RMDN2: variants seen among roughly 807,000 people sequenced by gnomAD.
RMDN2 encodes regulator of microtubule dynamics 2.
A neutral mutation model predicts 52.8 loss-of-function variants in RMDN2; 61 were observed. The ratio of observed to expected loss-of-function variants is 1.16; its 90% confidence interval spans 0.94 to 1.43. RMDN2 has a LOEUF of 1.43. RMDN2 is among the 40% of genes most tolerant of loss of function. The pLI, the probability that RMDN2 is intolerant of heterozygous loss-of-function variation, is 0.00. For missense variants in RMDN2, 592 were observed against 475.3 expected (o/e 1.25, Z -2.28); for synonymous variants, 180 against 153.1 (o/e 1.18, Z -1.30).
At position 37,959,780 on chromosome 2, in the gene RMDN2, G is replaced by A. The variant is rs532799871; in HGVS notation, c.453-14260G>A. On this transcript the variant is annotated intron_variant, in intron 2 of 10. Coordinates refer to ENST00000354545, the MANE Select transcript of RMDN2 (RefSeq NM_001170791.3). The stretch of plus-strand genomic sequence containing the variant: ...TAGATCTTTTCTGCTTTCTCCTGTA[G>A]GCATTTAGTGCTATAAATTTCCCTC... Among the ~76,000 whole-genome samples, 117 of 150,890 alleles carry A rather than the reference G, an allele frequency of 7.8e-4. 4 individuals carry two copies. Among genetic ancestry groups the A allele is most frequent in the African/African-American group, 2.8e-3 (112 of 40,244 alleles).
chr2:37,978,747 C>T (rs1455466933), intron 4 of RMDN2, among the ~76,000 whole-genome samples: 4 of 151,376 alleles, frequency 2.6e-5, no homozygotes, highest in African/African-American at 9.7e-5. Flanking sequence ...CACTGCACTG[C>T]AGAGTGGGTA....
At chr2:37,951,286 G>T in intron 2 of RMDN2, 1 of 1,611,634 alleles carries the variant, frequency 6.2e-7, no homozygotes. Context: ...GATCAAGTTA[G>T]TACAGACGCC....
At chr2:37,942,910 T>C (rs552630921) in intron 2 of RMDN2, among the ~76,000 whole-genome samples, 1 of 152,338 alleles carries the variant, frequency 6.6e-6, no homozygotes, top group Non-Finnish European at 1.5e-5. Context: ...TTTTGGCCTT[T>C]TAGGATTCTA....
chr2:37,965,613 C>G (rs1670936550), intron 2 of RMDN2, among the ~76,000 whole-genome samples: 1 of 152,010 alleles, frequency 6.6e-6, no homozygotes, highest in Admixed American at 6.6e-5. Context: ...TTTTACTTTT[C>G]TCTTTAGATG....
In RMDN2 at chr2:37,994,902, C is replaced by T. The variant is rs79964502; in HGVS notation, c.946-2514C>T. Among the ~76,000 whole-genome samples, 454 of 152,234 alleles carry T rather than the reference C, an allele frequency of 3.0e-3. 1 individual carries two copies. Among genetic ancestry groups the T allele is most frequent in the African/African-American group, 0.01 (423 of 41,546 alleles). ...TTCAAAGCATTATGCCGAGAAAGCTCACAGAAGACTACCTAATTGCATTGA... is the reference window on the plus strand; with the variant it reads ...TTCAAAGCATTATGCCGAGAAAGCTTACAGAAGACTACCTAATTGCATTGA... On this transcript the variant is annotated intron_variant, in intron 7 of 10. Transcript: ENST00000354545.
intron 2 of RMDN2, among the ~76,000 whole-genome samples, chr2:37,957,276 G>A (rs1040197281): frequency 3.9e-5 from 6 of 152,200 alleles, no homozygotes; most frequent in African/African-American, 1.4e-4. Flanking sequence ...CCCACCAACA[G>A]TGTGAAAGCT....
chr2:37,921,374 T>G (rs930652149), upstream of RMDN2, among the ~76,000 whole-genome samples: 1 of 152,240 alleles, frequency 6.6e-6, no homozygotes, highest in African/African-American at 2.4e-5. Context: ...GACTGCCTAA[T>G]TTTTTTAAAA....
At chr2:37,960,195 C>G (rs1337014941) in intron 2 of RMDN2, among the ~76,000 whole-genome samples, 2 of 152,074 alleles carry the variant, frequency 1.3e-5, no homozygotes, top group Non-Finnish European at 2.9e-5. Flanking sequence ...CCTGAATATC[C>G]TTGTTAATTT....
At chr2:37,950,239 G>T in intron 2 of RMDN2, 1 of 423,142 alleles carries the variant, frequency 2.4e-6, no homozygotes, top group Non-Finnish European at 4.4e-6. Context: ...CCAAGGTAAA[G>T]GATTGTACAG....
intron 2 of RMDN2, among the ~76,000 whole-genome samples, chr2:37,940,926 T>C (rs946916428): frequency 3.3e-5 from 5 of 152,330 alleles, no homozygotes; most frequent in Admixed American, 6.5e-5. Flanking sequence ...TCCAGTTTTG[T>C]TCCCTTGCTG....
intron 2 of RMDN2, among the ~76,000 whole-genome samples, chr2:37,954,768 A>T (rs1190465455): frequency 6.6e-6 from 1 of 152,142 alleles, no homozygotes; most frequent in Non-Finnish European, 1.5e-5. Flanking sequence ...GAGGGATTGC[A>T]TTGCATCTGT....
At chr2:38,046,264 T>TATA (rs1681266593) in intron 10 of RMDN2, among the ~76,000 whole-genome samples, 1 of 152,174 alleles carries the variant, frequency 6.6e-6, no homozygotes, top group South Asian at 2.1e-4. Context: ...TACCAAAGGA[T>TATA]ATAACCCTTA....
At chr2:37,925,646 C>T (rs1448524508) in intron 1 of RMDN2, among the ~76,000 whole-genome samples, 2 of 152,352 alleles carry the variant, frequency 1.3e-5, no homozygotes, top group East Asian at 1.9e-4. Context: ...GCTGACCCTG[C>T]GCCACGGAAG....
intron 2 of RMDN2, among the ~76,000 whole-genome samples, chr2:37,956,937 A>G (rs1419496619): frequency 1.3e-5 from 2 of 152,092 alleles, no homozygotes; most frequent in African/African-American, 2.4e-5. Flanking sequence ...TAGTTTGCTG[A>G]GAATGGTGGT....
intron 2 of RMDN2, among the ~76,000 whole-genome samples, chr2:37,970,947 T>C (rs942456933): frequency 1.3e-5 from 2 of 152,138 alleles, no homozygotes; most frequent in Non-Finnish European, 2.9e-5. Flanking sequence ...ATATATTTTG[T>C]ATACAAGTCT....
intron 2 of RMDN2, chr2:37,950,601 C>G: frequency 6.2e-7 from 1 of 1,612,788 alleles, no homozygotes; most frequent in South Asian, 1.1e-5. Context: ...TTAAGGTAAG[C>G]CTTAGAAAAA....
chr2:37,940,930 C>T (rs13020504), intron 2 of RMDN2, among the ~76,000 whole-genome samples: 24,095 of 152,118 alleles, frequency 0.16, 2,238 homozygotes, highest in African/African-American at 0.25. Context: ...GTTTTGTTCC[C>T]TTGCTGGTGA....
At chr2:37,924,178 A>G (rs1666114628), upstream of RMDN2, among the ~76,000 whole-genome samples, 1 of 152,230 alleles carries the variant, frequency 6.6e-6, no homozygotes, top group African/African-American at 2.4e-5. Flanking sequence ...ACAGTAGTAT[A>G]TGGATTGCAA....
At chr2:38,050,771 T>G (rs969935187) in intron 10 of RMDN2, among the ~76,000 whole-genome samples, 2 of 152,180 alleles carry the variant, frequency 1.3e-5, no homozygotes, top group African/African-American at 2.4e-5. Context: ...TGTTGTTGTT[T>G]TTTCTGAGAC....
Sources: gnomAD v4.1 joint callset for allele counts (sites outside exome capture counted in the v4.1 genomes callset) on GRCh38, gnomAD v4.1.1 for gene constraint, MANE v1.5 for transcripts, NCBI Gene and HGNC (gene_info 2026-07-23, HGNC 2026-07-21) for gene names.